Variants in SNX29 observed in about 807,000 individuals in gnomAD.
The protein encoded by SNX29 is sorting nexin 29, also known as sorting nexin-29.
SNX29 carries 78 observed loss-of-function variants against 102.1 expected under a neutral mutation model. That is an observed-to-expected ratio of 0.76 (90% confidence interval 0.64 to 0.92). The LOEUF is 0.92. Among genes scored for constraint, SNX29 ranks in the 40% least tolerant of loss-of-function variants. The pLI is 0.00. For synonymous variants in SNX29, 580 were observed against 414.5 expected (o/e 1.40, Z -4.85); for missense variants, 1,280 against 1,061.7 (o/e 1.21, Z -2.86).
chr16:12,037,267 C>T lies in SNX29; in HGVS notation c.248-5630C>T, dbSNP rs755344609. Among the ~76,000 whole-genome samples, 13 of 152,228 alleles carry T rather than the reference C, an allele frequency of 8.5e-5. No homozygotes were observed. In the South Asian group the frequency reaches 1.2e-3, roughly 15 times the overall value. ...GTGGCTGCGTTCCAGGAACACCATG[C>T]TTATAAAAACAGTTTGGAGGCCAAA... On this transcript the variant is annotated intron_variant, in intron 4 of 20. Coordinates refer to ENST00000566228, the MANE Select transcript of SNX29 (RefSeq NM_032167.5).
At chr16:12,410,303 T>C (rs538088085) in intron 18 of SNX29, among the ~76,000 whole-genome samples, 3 of 152,152 alleles carry the variant, frequency 2.0e-5, no homozygotes, top group Admixed American at 6.5e-5. Context: ...CGCGTTTTTT[T>C]CTTCTAGAAT....
chr16:12,287,386 T>C (rs558426877), intron 15 of SNX29, among the ~76,000 whole-genome samples: 1 of 150,800 alleles, frequency 6.6e-6, no homozygotes, highest in Admixed American at 6.6e-5. Flanking sequence ...TTTTTTTAAA[T>C]TTTTTTTTTA....
At chr16:12,430,726 T>C (rs2085275226) in intron 18 of SNX29, among the ~76,000 whole-genome samples, 1 of 152,242 alleles carries the variant, frequency 6.6e-6, no homozygotes, top group Non-Finnish European at 1.5e-5. Flanking sequence ...GTCCTCATTG[T>C]TCTTATCCAT....
At chr16:12,078,654 G>A (rs879573414) in intron 10 of SNX29, among the ~76,000 whole-genome samples, 179 bp from the exon 11 acceptor site, 19 of 152,214 alleles carry the variant, frequency 1.2e-4, no homozygotes, top group Non-Finnish European at 2.1e-4. Context: ...ATTTTAGTGC[G>A]TAGATGAATT....
At position 12,052,273 on chromosome 16, in the gene SNX29, G is replaced by A. The variant is rs771909992; in HGVS notation, c.1124+51G>A. 15 of 1,600,734 alleles carry A rather than the reference G, an allele frequency of 9.4e-6. No homozygotes were observed. The East Asian group carries it at 1.3e-4, about 14-fold the overall frequency. ...TCACCGTCCCCCAGGCTGGAGTGCC[G>A]TGGCGTGATCTCAGCTCACTGCAAC... On this transcript the variant is annotated intron_variant, in intron 8 of 20. Coordinates refer to ENST00000566228, the MANE Select transcript of SNX29 (RefSeq NM_032167.5).
chr16:12,025,286 G>C (rs2057156527), intron 3 of SNX29, among the ~76,000 whole-genome samples: 2 of 75,912 alleles, frequency 2.6e-5, no homozygotes, highest in African/African-American at 5.4e-5. Context: ...TGGGCAACAA[G>C]AGCAAAACTC....
At chr16:12,063,313 C>A (rs1350888889) in intron 9 of SNX29, among the ~76,000 whole-genome samples, 2 of 149,844 alleles carry the variant, frequency 1.3e-5, no homozygotes, top group Non-Finnish European at 3.0e-5. Context: ...TCTTATGTGG[C>A]CTCCCTCCAC....
At chr16:12,194,621 AG>A (rs1426064942) in intron 13 of SNX29, among the ~76,000 whole-genome samples, 1 of 105,562 alleles carries the variant, frequency 9.5e-6, no homozygotes, top group East Asian at 3.0e-4. Context: ...GGGGGTGGGT[AG>A]TTTTTTTTTT....
At chr16:12,218,758 C>G (rs1424640161) in intron 14 of SNX29, among the ~76,000 whole-genome samples, 1 of 152,008 alleles carries the variant, frequency 6.6e-6, no homozygotes, top group East Asian at 1.9e-4. Flanking sequence ...TAGGTTGTTT[C>G]CAGGTTTTTA....
Position 12,541,157 on chromosome 16 carries a change from C to G in SNX29, c.2318+16316C>G, listed in dbSNP as rs146347391. ...GGAGGTGACCTTACTACATCATACC[C>G]AGACCTGGAACCTCTTCCTCAGTAT... On this transcript the variant is annotated intron_variant, in intron 20 of 20. Coordinates refer to ENST00000566228, the MANE Select transcript of SNX29 (RefSeq NM_032167.5). Among the ~76,000 whole-genome samples the G allele has an allele frequency of 2.2e-3, 339 of 152,304 alleles. 1 individual carries two copies. The highest frequency in any genetic ancestry group is 7.9e-3 in the African/African-American group (328 of 41,546).
chr16:12,526,736 G>C (rs1043809264), intron 20 of SNX29: 6 of 459,566 alleles, frequency 1.3e-5, no homozygotes, highest in South Asian at 3.8e-5. Context: ...CTGATGCTGA[G>C]AGTGTGAGCA....
chr16:12,238,444 G>C (rs961784071), intron 14 of SNX29, among the ~76,000 whole-genome samples: 1 of 152,048 alleles, frequency 6.6e-6, no homozygotes, highest in African/African-American at 2.4e-5. Context: ...TCCCGCATCA[G>C]CCTCCCGAGT....
chr16:12,541,096 C>A (rs180795054), intron 20 of SNX29, among the ~76,000 whole-genome samples: 1 of 152,178 alleles, frequency 6.6e-6, no homozygotes, highest in Non-Finnish European at 1.5e-5. Flanking sequence ...GCATCCACTC[C>A]AGGTTTGAAA....
chr16:12,067,975 C>T (rs2151295707), intron 9 of SNX29, among the ~76,000 whole-genome samples: 1 of 150,874 alleles, frequency 6.6e-6, no homozygotes, highest in East Asian at 2.0e-4. Flanking sequence ...GAATGCCTTT[C>T]CTAAATGCAC....
At chr16:12,434,524 G>GC (rs2085449196) in intron 18 of SNX29, among the ~76,000 whole-genome samples, 2 of 152,064 alleles carry the variant, frequency 1.3e-5, no homozygotes, top group East Asian at 3.9e-4. Context: ...AGTGCTAGTC[G>GC]GGGGTAATAT....
chr16:12,418,868 C>T (rs527676162), intron 18 of SNX29, among the ~76,000 whole-genome samples: 5 of 152,154 alleles, frequency 3.3e-5, no homozygotes. Context: ...TTGCAGTTTC[C>T]TACACAGTCA....
intron 18 of SNX29, among the ~76,000 whole-genome samples, chr16:12,473,047 C>T (rs1019080742): frequency 6.6e-6 from 1 of 152,038 alleles, no homozygotes. Context: ...ATCTTTATGG[C>T]TCAAGCAGAA....
intron 16 of SNX29, 44 bp downstream of exon 16, chr16:12,356,323 C>T (rs767497296): frequency 2.0e-6 from 3 of 1,513,948 alleles, no homozygotes; most frequent in South Asian, 1.2e-5. Context: ...GCCTCTGCTG[C>T]CCACAGCCCA....
chr16:12,365,385 G>C (rs1272541463), intron 16 of SNX29, among the ~76,000 whole-genome samples: 1 of 147,218 alleles, frequency 6.8e-6, no homozygotes, highest in African/African-American at 2.5e-5. Context: ...TCATCACATG[G>C]TGTTTATGTC....
Sources: allele counts gnomAD v4.1 joint callset (sites outside exome capture counted in the v4.1 genomes callset), GRCh38; gene constraint gnomAD v4.1.1; transcripts MANE v1.5; gene names NCBI Gene and HGNC (gene_info 2026-07-23, HGNC 2026-07-21).